The following SIL1 variants were observed in gnomAD, a reference collection of about 807,000 sequenced individuals.
SIL1 encodes nucleotide exchange factor SIL1.
A neutral mutation model predicts 49.1 loss-of-function variants in SIL1; 40 were observed. The ratio of observed to expected loss-of-function variants is 0.81; its 90% CI spans 0.63 to 1.06. SIL1 has a LOEUF of 1.06. Among genes scored for constraint, SIL1 ranks in the 50% least tolerant of loss-of-function variants. The pLI is 0.00. For missense variants in SIL1, 500 were observed against 572.6 expected, an observed-to-expected ratio of 0.87 and a Z score of 1.29; for synonymous variants, 253 against 250.8, an observed-to-expected ratio of 1.01 and a Z score of -0.08.
intron 3 of SIL1, among the ~76,000 whole-genome samples, chr5:139,113,299 AT>A (rs1276308518): frequency 1.3e-5 from 2 of 150,478 alleles, no homozygotes; most frequent in Non-Finnish European, 3.0e-5. Flanking sequence ...TCAATAAAAA[AT>A]AAAATAAAAA....
At chr5:139,068,655 G>GAAAAAAAAAAAAAAA (rs745799045) in intron 3 of SIL1, among the ~76,000 whole-genome samples, 2 of 64,828 alleles carry the variant, frequency 3.1e-5, no homozygotes, top group African/African-American at 7.5e-5. Context: ...GAATGAAAAG[G>GAAAAAAAAAAAAAAA]AAAAAAAAAA....
chr5:139,156,235 C>A (rs1174432472), intron 1 of SIL1, among the ~76,000 whole-genome samples: 1 of 152,102 alleles, frequency 6.6e-6, no homozygotes, highest in Non-Finnish European at 1.5e-5. Context: ...AATCTCATGG[C>A]AATTTAGTAC....
At chr5:139,056,382 A>T (rs1430770364) in intron 3 of SIL1, among the ~76,000 whole-genome samples, 4 of 132,164 alleles carry the variant, frequency 3.0e-5, no homozygotes, top group Admixed American at 7.8e-5. Flanking sequence ...AAGTGAGGAG[A>T]CCCTCTGCCC....
intron 2 of SIL1, 46 bp downstream of exon 2, chr5:139,127,693 C>G: frequency 6.7e-7 from 1 of 1,495,882 alleles, no homozygotes; most frequent in Non-Finnish European, 9.2e-7. Flanking sequence ...GAGGCCTTCT[C>G]AAGACCTCAT....
intron 7 of SIL1, among the ~76,000 whole-genome samples, chr5:139,002,552 A>G (rs1283575653): frequency 2.0e-5 from 3 of 152,236 alleles, no homozygotes; most frequent in Non-Finnish European, 4.4e-5. Context: ...TTAAACTTCC[A>G]TATAGAAATG....
chr5:139,122,369 G>T (rs920691353), intron 2 of SIL1, among the ~76,000 whole-genome samples: 1 of 152,104 alleles, frequency 6.6e-6, no homozygotes, highest in Non-Finnish European at 1.5e-5. Context: ...AAGGCAGGTG[G>T]ATTGCTTGAA....
At chr5:139,075,237 G>A (rs982042508) in intron 3 of SIL1, among the ~76,000 whole-genome samples, 1 of 152,186 alleles carries the variant, frequency 6.6e-6, no homozygotes, top group African/African-American at 2.4e-5. Flanking sequence ...AAAGAAGAGT[G>A]TCCTAACCAA....
chr5:139,163,814 T>C (rs1469585173), intron 1 of SIL1, among the ~76,000 whole-genome samples: 1 of 152,200 alleles, frequency 6.6e-6, no homozygotes, highest in Non-Finnish European at 1.5e-5. Context: ...CATCCAGCAC[T>C]GTAAGTAGAT....
At chr5:139,061,503 C>T (rs914010210) in intron 3 of SIL1, among the ~76,000 whole-genome samples, 1 of 152,228 alleles carries the variant, frequency 6.6e-6, no homozygotes, top group African/African-American at 2.4e-5. Context: ...GACTCTGCTC[C>T]TCACTTGGCT....
intron 3 of SIL1, among the ~76,000 whole-genome samples, chr5:139,101,571 C>A (rs1770588670): frequency 6.6e-6 from 1 of 152,186 alleles, no homozygotes; most frequent in African/African-American, 2.4e-5. Flanking sequence ...CTCTTCCCCC[C>A]AAAATAGCCT....
chr5:139,126,524 C>T (rs1039447526), intron 2 of SIL1, among the ~76,000 whole-genome samples: 10 of 152,142 alleles, frequency 6.6e-5, no homozygotes, highest in Non-Finnish European at 1.0e-4. Context: ...GCCATTCCAC[C>T]GCCAACCCAT....
Position 139,026,822 on chromosome 5 carries a change from A to G in SIL1, c.624T>C (p.Asp208=), listed in dbSNP as rs1183719769. The G allele has an allele frequency of 6.2e-7, 1 of 1,614,102 alleles. No individual in the cohort carries two copies. Among genetic ancestry groups the G allele is most frequent in the Admixed American group, 1.7e-5 (1 of 60,024 alleles). The stretch of plus-strand genomic sequence containing the variant: ...GTACCTGATGGACATAATATTCAAG[A>G]TCAAAGAGCGCAGCAATCTTCTCTT... ...SLEEKIAALF[D]LEYYVHQMDN... The change falls in exon 6 of 10, where the codon GAT becomes GAC. Residue 208 remains aspartate (D), a synonymous_variant. Coordinates refer to ENST00000394817, the MANE Select transcript of SIL1 (RefSeq NM_022464.5).
At chr5:138,950,841 C>G (rs1030528073) in intron 9 of SIL1, among the ~76,000 whole-genome samples, 34 of 152,206 alleles carry the variant, frequency 2.2e-4, no homozygotes, top group African/African-American at 6.3e-4. Flanking sequence ...TGTTCTACCC[C>G]CTCAGCCTTT....
chr5:139,041,633 A>G (rs933050976), intron 5 of SIL1, among the ~76,000 whole-genome samples: 1 of 151,982 alleles, frequency 6.6e-6, no homozygotes, highest in Non-Finnish European at 1.5e-5. Flanking sequence ...GTGAAACCCC[A>G]TCTCTACTGA....
intron 7 of SIL1, among the ~76,000 whole-genome samples, chr5:139,004,159 G>A (rs1293300998): frequency 2.6e-5 from 4 of 152,128 alleles, no homozygotes; most frequent in Non-Finnish European, 5.9e-5. Context: ...TTATTCGCCT[G>A]CTTTAATTTT....
At chr5:139,013,154 C>A (rs1768322281) in intron 7 of SIL1, among the ~76,000 whole-genome samples, 1 of 152,118 alleles carries the variant, frequency 6.6e-6, no homozygotes, top group African/African-American at 2.4e-5. Context: ...TATCATTGAA[C>A]CTATCACCTG....
intron 3 of SIL1, among the ~76,000 whole-genome samples, chr5:139,093,563 T>C (rs1485520064): frequency 6.6e-6 from 1 of 152,224 alleles, no homozygotes; most frequent in Non-Finnish European, 1.5e-5. Context: ...TGATGGTTAA[T>C]GGAGGTCTTC....
At chr5:138,979,048 T>TACTTA (rs1554124256) in intron 7 of SIL1, among the ~76,000 whole-genome samples, 2 of 151,592 alleles carry the variant, frequency 1.3e-5, no homozygotes, top group Admixed American at 6.6e-5. Context: ...AGCACAAGAG[T>TACTTA]ATTTAATTTA....
chr5:139,055,770 G>A (rs995781810), intron 3 of SIL1, among the ~76,000 whole-genome samples: 1 of 147,638 alleles, frequency 6.8e-6, no homozygotes, highest in South Asian at 2.2e-4. Flanking sequence ...CAACCTCCCT[G>A]CCTGATTCTC....
Sources: gnomAD v4.1 joint callset for allele counts (sites outside exome capture counted in the v4.1 genomes callset) on GRCh38, gnomAD v4.1.1 for gene constraint, MANE v1.5 for transcripts, NCBI Gene and HGNC (gene_info 2026-07-23, HGNC 2026-07-21) for gene names.